The following RUNX1 variants were observed in gnomAD, a reference collection of about 807,000 sequenced individuals.
RUNX1 encodes runt-related transcription factor 1.
In RUNX1, 19 loss-of-function variants were observed where a neutral mutation model predicts 42.8. The observed-to-expected ratio is 0.44, with a 90% confidence interval of 0.31 to 0.65. The LOEUF (loss-of-function observed/expected upper bound fraction) is 0.65, where lower values mean the gene tolerates loss of function less well. RUNX1 is among the 30% of genes least tolerant of loss of function. The pLI, the probability that RUNX1 is intolerant of heterozygous loss-of-function variation, is 0.07. For missense variants in RUNX1, 528 were observed against 672.0 expected, an observed-to-expected ratio of 0.79 and a Z score of 2.37; for synonymous variants, 271 against 289.4, an observed-to-expected ratio of 0.94 and a Z score of 0.64.
chr21:35,014,136 T>C (rs1188385334), intron 2 of RUNX1, among the ~76,000 whole-genome samples: 1 of 152,170 alleles, frequency 6.6e-6, no homozygotes, highest in Non-Finnish European at 1.5e-5. Context: ...ACTTTTGAAA[T>C]AAGACAAAAG....
At chr21:34,834,950 G>C (rs569030807) in intron 6 of RUNX1, among the ~76,000 whole-genome samples, 1 of 152,098 alleles carries the variant, frequency 6.6e-6, no homozygotes, top group Admixed American at 6.5e-5. Flanking sequence ...ATTAATTGTT[G>C]GCACATGGCC....
chr21:34,851,924 T>C (rs1011768804), intron 6 of RUNX1, among the ~76,000 whole-genome samples: 5 of 152,204 alleles, frequency 3.3e-5, no homozygotes, highest in Non-Finnish European at 5.9e-5. Flanking sequence ...CCCAGCACTT[T>C]GGGAGGCCAA....
At chr21:34,902,145 C>T (rs2058182405) in intron 2 of RUNX1, among the ~76,000 whole-genome samples, 1 of 152,176 alleles carries the variant, frequency 6.6e-6, no homozygotes, top group African/African-American at 2.4e-5. Context: ...CAAACAGAAT[C>T]ATTTATTTGG....
chr21:35,029,060 C>T (rs978875401), intron 2 of RUNX1, among the ~76,000 whole-genome samples: 1 of 152,138 alleles, frequency 6.6e-6, no homozygotes, highest in Non-Finnish European at 1.5e-5. Context: ...ACGATGGATG[C>T]TTGCCCTTCA....
rs1215679485 is a variant in RUNX1 at position 35,030,978 on chromosome 21, C to T, written c.58+17864G>A. ...ATGTCCAGTAAGTATAAAAAATACT[C>T]AACATCACTCCTCATCATGCAAATT... On this transcript the variant is annotated intron_variant, in intron 2 of 8. Transcript: ENST00000675419. Among the ~76,000 whole-genome samples the T allele has an allele frequency of 3.3e-5, 5 of 152,270 alleles. No homozygotes were observed. In the East Asian group the frequency reaches 5.8e-4, roughly 18 times the overall value.
chr21:34,998,826 C>T (rs2059018268), intron 2 of RUNX1, among the ~76,000 whole-genome samples: 1 of 152,216 alleles, frequency 6.6e-6, no homozygotes, highest in African/African-American at 2.4e-5. Context: ...CAGGCGTGAG[C>T]CACCGTGCCC....
At chr21:34,968,945 G>C (rs2058740630) in intron 2 of RUNX1, among the ~76,000 whole-genome samples, 1 of 152,172 alleles carries the variant, frequency 6.6e-6, no homozygotes, top group Non-Finnish European at 1.5e-5. Context: ...TTCTGCAATA[G>C]TTCTTGGAGT....
intron 4 of RUNX1, among the ~76,000 whole-genome samples, chr21:34,884,763 T>G (rs1186624530): frequency 1.3e-5 from 2 of 152,220 alleles, no homozygotes; most frequent in Non-Finnish European, 2.9e-5. Context: ...TGACAGACAA[T>G]AATCAAATGG....
At chr21:34,827,011 C>G (rs564454095) in intron 7 of RUNX1, among the ~76,000 whole-genome samples, 8 of 152,266 alleles carry the variant, frequency 5.3e-5, no homozygotes, top group African/African-American at 1.9e-4. Context: ...TAGGGGAAGT[C>G]TAAATCTTCG....
At chr21:35,043,086 T>C (rs1402838557) in intron 2 of RUNX1, among the ~76,000 whole-genome samples, 1 of 152,104 alleles carries the variant, frequency 6.6e-6, no homozygotes, top group Non-Finnish European at 1.5e-5. Context: ...CCTCCCAGCA[T>C]GTTGAAGGTG....
At chr21:35,029,522 G>A (rs551836493) in intron 2 of RUNX1, among the ~76,000 whole-genome samples, 1 of 152,168 alleles carries the variant, frequency 6.6e-6, no homozygotes, top group Non-Finnish European at 1.5e-5. Context: ...CCTGGAACAC[G>A]GTTGGTGCTG....
At position 34,890,069 on chromosome 21, in the gene RUNX1, C is replaced by T. The variant is rs542284797; in HGVS notation, c.97+2856G>A. On this transcript the variant is annotated intron_variant, in intron 3 of 8. Transcript: ENST00000675419. ...CAGGGCTAGGGTGCTGTGGCCGCTGCCGCGCAGGGACTGTCCCCGGGCGTT... is the reference window on the plus strand; with the variant it reads ...CAGGGCTAGGGTGCTGTGGCCGCTGTCGCGCAGGGACTGTCCCCGGGCGTT... Among the ~76,000 whole-genome samples, 488 of 152,254 alleles carry T rather than the reference C, an allele frequency of 3.2e-3. 1 individual carries two copies. Among genetic ancestry groups the T allele is most frequent in the Middle Eastern group, 0.014 (4 of 292 alleles).
intron 2 of RUNX1, among the ~76,000 whole-genome samples, chr21:35,027,707 A>C (rs1223177798): frequency 6.6e-6 from 1 of 152,182 alleles, no homozygotes; most frequent in African/African-American, 2.4e-5. Context: ...GAAGGGTGGG[A>C]TGTGGCAAAT....
intron 2 of RUNX1, among the ~76,000 whole-genome samples, chr21:34,898,842 C>T (rs1462960119): frequency 1.3e-5 from 2 of 152,230 alleles, no homozygotes; most frequent in African/African-American, 4.8e-5. Context: ...TTCCCATAAG[C>T]TCCCAGTGTT....
intron 2 of RUNX1, among the ~76,000 whole-genome samples, chr21:35,020,331 C>G (rs1275530223): frequency 6.6e-6 from 1 of 152,044 alleles, no homozygotes; most frequent in Non-Finnish European, 1.5e-5. Flanking sequence ...GAATCCTGGG[C>G]TGCTGTGACC....
At chr21:34,894,502 TA>T (rs1428509376) in intron 2 of RUNX1, among the ~76,000 whole-genome samples, 1 of 151,622 alleles carries the variant, frequency 6.6e-6, no homozygotes, top group Non-Finnish European at 1.5e-5. Flanking sequence ...GGGGAAGGGG[TA>T]GGGGGTGAGC....
chr21:34,988,697 G>A (rs1202053828), intron 2 of RUNX1, among the ~76,000 whole-genome samples: 1 of 152,108 alleles, frequency 6.6e-6, no homozygotes. Context: ...CCCCTCACCT[G>A]ACATCCGGAC....
rs562255962 is a variant in RUNX1 at position 34,853,092 on chromosome 21, G to A, written c.613+6382C>T. 1.1e-4 allele frequency among the ~76,000 whole-genome samples: 17 copies of A among 152,224 alleles called. No individual in the cohort carries two copies. In the East Asian group the frequency reaches 1.4e-3, roughly 12 times the overall value. On this transcript the variant is annotated intron_variant, in intron 6 of 8. Coordinates refer to ENST00000675419, the MANE Select transcript of RUNX1 (RefSeq NM_001754.5). ...GGTCACTCCACTTTACCCATCTTTC[G>A]TGAAGGCCAACACCGGAAGAAGAGG...
chr21:34,939,951 G>A (rs1367974964), intron 2 of RUNX1, among the ~76,000 whole-genome samples: 2 of 151,794 alleles, frequency 1.3e-5, no homozygotes, highest in African/African-American at 4.8e-5. Flanking sequence ...ATTTTCTTTT[G>A]TTTTTAATTT....
Sources: allele counts gnomAD v4.1 joint callset (sites outside exome capture counted in the v4.1 genomes callset), GRCh38; gene constraint gnomAD v4.1.1; transcripts MANE v1.5; gene names NCBI Gene and HGNC (gene_info 2026-07-23, HGNC 2026-07-21).